Variants in FGF13 observed in about 807,000 individuals in gnomAD.
FGF13 encodes fibroblast growth factor 13, also known as fibroblast growth factor homologous factor 2.
In FGF13, 2 loss-of-function variants were observed where a neutral mutation model predicts 19.5. The ratio of observed to expected loss-of-function variants is 0.10; its 90% CI spans 0.04 to 0.32. The LOEUF (loss-of-function observed/expected upper bound fraction) is 0.32. Ranked by LOEUF, FGF13 falls within the 10% of genes least tolerant of loss-of-function variation. FGF13 has a pLI of 1.00. For synonymous variants in FGF13, 72 were observed against 76.9 expected, an observed-to-expected ratio of 0.94 and a Z score of 0.33; for missense variants, 113 against 192.7, an observed-to-expected ratio of 0.59 and a Z score of 2.45.
At chrX:139,132,122 T>C (rs1043024663) in intron 1 of FGF13, among the ~76,000 whole-genome samples, 2 of 112,127 alleles carry the variant, frequency 1.8e-5, no homozygotes, top group Non-Finnish European at 3.8e-5. Context: ...CAAGATGTAG[T>C]ATTTAATAGC....
In FGF13 at chrX:138,711,196, G is replaced by C. The variant is rs762493684; in HGVS notation, c.-193C>G. The C allele has an allele frequency of 4.7e-6, 5 of 1,059,944 alleles. No homozygotes were observed. The Admixed American group carries it at 1.6e-4, about 34-fold the overall frequency. 87.4% of individuals were successfully genotyped at this position (1,059,944 alleles called of 1,213,427 possible). Reference sequence around the variant, plus strand: ...CTCAGCATGCCGTCCGAGCTCCTCCGGCGGCGGTCCGGCTCCCGCGCGGGC... The same window carrying C: ...CTCAGCATGCCGTCCGAGCTCCTCCCGCGGCGGTCCGGCTCCCGCGCGGGC... On this transcript the variant is annotated 5_prime_UTR_variant, in exon 1 of 5. Transcript: ENST00000315930.
rs1291145574 is a variant in FGF13 at position 138,919,073 on chromosome X, T to A, written c.-112-54423A>T. Among the ~76,000 whole-genome samples the A allele has an allele frequency of 6.3e-5, 7 of 111,799 alleles. No homozygotes were observed. The South Asian group carries it at 1.1e-3, about 18-fold the overall frequency. On this transcript the variant is annotated intron_variant, in intron 1 of 2. Coordinates refer to the FGF13 transcript ENST00000421460. ...GAAAAAAATGCAAAGGAATTTATTA[T>A]GTAAGATCACAAAAACCACAAACCA... is the stretch of plus-strand genomic sequence containing the variant.
intron 1 of FGF13, among the ~76,000 whole-genome samples, chrX:138,878,634 C>A (rs1430054523): frequency 1.8e-5 from 2 of 108,679 alleles, no homozygotes; most frequent in Non-Finnish European, 3.8e-5. Flanking sequence ...GTCTTTATAG[C>A]AGCATGATTT....
chrX:139,203,055 A>G (rs1024999325), intron 1 of FGF13, among the ~76,000 whole-genome samples: 5 of 112,316 alleles, frequency 4.5e-5, no homozygotes, highest in African/African-American at 6.5e-5. Flanking sequence ...TCCAGTTTAC[A>G]TTCTGGAGCT....
At position 139,021,390 on chromosome X, in the gene FGF13, T is replaced by G. The variant is rs1399785700; in HGVS notation, c.-112-156740A>C. Among the ~76,000 whole-genome samples, 4 of 110,874 alleles carry G rather than the reference T, an allele frequency of 3.6e-5. 1 individual carries two copies. Among genetic ancestry groups the G allele is most frequent in the Admixed American group, 1.9e-4 (2 of 10,390 alleles). On this transcript the variant is annotated intron_variant, in intron 1 of 2. Transcript: ENST00000421460. ...ATATTAATAAAGTAGCACTACAGTC[T>G]AAAAATAAGTGACACAAAATGGCAT...
At chrX:139,099,066 C>T (rs2124455485) in intron 1 of FGF13, among the ~76,000 whole-genome samples, 1 of 110,551 alleles carries the variant, frequency 9.0e-6, no homozygotes, top group African/African-American at 3.3e-5. Flanking sequence ...CTCTTATGGC[C>T]CCCATGGCTA....
At chrX:139,171,335 A>T (rs987614850) in intron 1 of FGF13, among the ~76,000 whole-genome samples, 4 of 112,341 alleles carry the variant, frequency 3.6e-5, no homozygotes, top group Non-Finnish European at 7.5e-5. Flanking sequence ...TAAGAAAACT[A>T]TTATTAGATG....
chrX:138,944,141 T>A (rs2091771599), intron 1 of FGF13, among the ~76,000 whole-genome samples: 1 of 111,211 alleles, frequency 9.0e-6, no homozygotes, highest in African/African-American at 3.3e-5. Flanking sequence ...GAAAGAAGAT[T>A]GAGACTCAGG....
At chrX:138,946,352 G>A (rs868498861) in intron 1 of FGF13, among the ~76,000 whole-genome samples, 6 of 111,670 alleles carry the variant, frequency 5.4e-5, no homozygotes, top group African/African-American at 2.0e-4. Context: ...ACATCCCACT[G>A]GACATTTGAA....
Position 139,082,557 on chromosome X carries a change from G to A in FGF13, c.-113+120859C>T, listed in dbSNP as rs191679182. On this transcript the variant is annotated intron_variant, in intron 1 of 2. Coordinates refer to the FGF13 transcript ENST00000421460. ...TACAGGCACACACAGAGAAGCCCATGTGAAGACAGAGACAGGGATTAGAGT... is the reference window on the plus strand; with the variant it reads ...TACAGGCACACACAGAGAAGCCCATATGAAGACAGAGACAGGGATTAGAGT... Among the ~76,000 whole-genome samples the A allele has an allele frequency of 1.9e-3, 213 of 111,613 alleles. 1 individual carries two copies. Among genetic ancestry groups the A allele is most frequent in the African/African-American group, 6.6e-3 (204 of 30,730 alleles).
chrX:138,673,356 C>G (rs998223888), intron 3 of FGF13, among the ~76,000 whole-genome samples: 1 of 110,750 alleles, frequency 9.0e-6, no homozygotes, highest in Non-Finnish European at 1.9e-5. Flanking sequence ...ATGTTATTTA[C>G]GTAGCCCGCG....
intron 1 of FGF13, among the ~76,000 whole-genome samples, chrX:138,983,499 G>A (rs1181947773): frequency 9.6e-6 from 1 of 103,876 alleles, no homozygotes; most frequent in East Asian, 3.1e-4. Flanking sequence ...CTGTTAGGAT[G>A]GCTACTATCA....
At chrX:138,859,645 G>T (rs1023750329) in intron 2 of FGF13, among the ~76,000 whole-genome samples, 3 of 112,032 alleles carry the variant, frequency 2.7e-5, no homozygotes, top group Non-Finnish European at 5.6e-5. Flanking sequence ...TTCCCAGCTG[G>T]TCATTAATTC....
intron 1 of FGF13, among the ~76,000 whole-genome samples, chrX:138,972,652 G>A (rs759551188): frequency 1.8e-5 from 2 of 110,987 alleles, no homozygotes; most frequent in African/African-American, 3.3e-5. Flanking sequence ...CCACCGTGCC[G>A]GGCCCTCACC....
chrX:138,684,327 T>C (rs1228716699), intron 3 of FGF13, among the ~76,000 whole-genome samples: 1 of 111,676 alleles, frequency 9.0e-6, no homozygotes, highest in African/African-American at 3.2e-5. Context: ...TGTGCCCATA[T>C]TGTGAAACAC....
At chrX:138,994,837 G>C (rs1256949027) in intron 1 of FGF13, among the ~76,000 whole-genome samples, 1 of 110,806 alleles carries the variant, frequency 9.0e-6, no homozygotes, top group Non-Finnish European at 1.9e-5. Flanking sequence ...ACACTTTTGA[G>C]AGCATTTATC....
At position 138,620,581 on chromosome X, in the gene FGF13, T is replaced by G. The variant is rs748036683; in HGVS notation, c.*12269A>C. 12 of 110,440 alleles carry G rather than the reference T, an allele frequency of 1.1e-4. No homozygotes were observed. The highest frequency in any genetic ancestry group is 1.9e-4 in the Non-Finnish European group (10 of 52,558). 9.1% of individuals were successfully genotyped at this position (110,440 alleles called of 1,213,427 possible). A position where few individuals can be genotyped will look rare whatever the true frequency, so the allele number is the denominator to read the frequency against. On this transcript the variant is annotated 3_prime_UTR_variant, in exon 5 of 5. Transcript: ENST00000315930. ...GAGAGGAAGAAAGAAACAAAAAAAC[T>G]TACAAAACAGCTGAAAAACATTTAA... is the stretch of plus-strand genomic sequence containing the variant.
rs768103303 is a variant in FGF13, at chrX:139,145,939, C to T, written c.-113+57477G>A. ...AAAGACACTAAAAAAGGGATCCAAC[C>T]TTTCCTTACACCTTATACAAAAATT... On this transcript the variant is annotated intron_variant, in intron 1 of 2. Coordinates refer to the FGF13 transcript ENST00000421460. Among the ~76,000 whole-genome samples, 273 of 111,688 alleles carry T rather than the reference C, an allele frequency of 2.4e-3. 2 individuals carry two copies. Among genetic ancestry groups the T allele is most frequent in the African/African-American group, 8.2e-3 (253 of 30,727 alleles).
intron 1 of FGF13, among the ~76,000 whole-genome samples, chrX:138,893,142 G>C (rs1209913688): frequency 9.0e-6 from 1 of 111,453 alleles, no homozygotes; most frequent in Admixed American, 9.5e-5. Flanking sequence ...GATATGAGAA[G>C]GACCTCGGAG....
Sources: allele counts gnomAD v4.1 joint callset (sites outside exome capture counted in the v4.1 genomes callset), GRCh38; gene constraint gnomAD v4.1.1; transcripts MANE v1.5; gene names NCBI Gene and HGNC (gene_info 2026-07-23, HGNC 2026-07-21).